ASB3: variants seen among roughly 807,000 people sequenced by gnomAD.
ASB3 encodes ankyrin repeat and SOCS box protein 3.
ASB3 carries 41 observed loss-of-function variants against 54.5 expected under a neutral mutation model. The observed-to-expected ratio is 0.75, with a 90% CI of 0.59 to 0.98. ASB3 has a LOEUF of 0.98. Among genes scored for constraint, ASB3 ranks in the 50% least tolerant of loss-of-function variants. ASB3 has a pLI of 0.00. For synonymous variants in ASB3, 266 were observed against 221.2 expected (o/e 1.20, Z -1.80); for missense variants, 733 against 620.0 (o/e 1.18, Z -1.94).
rs1302520298 is a variant in ASB3, at chr2:53,697,635, T to C, written c.1238+2636A>G. Among the ~76,000 whole-genome samples, 3 of 152,116 alleles carry C rather than the reference T, an allele frequency of 2.0e-5. 1 individual carries two copies. The highest frequency in any genetic ancestry group is 2.9e-5 in the Non-Finnish European group (2 of 68,018). On this transcript the variant is annotated intron_variant, in intron 8 of 9. Coordinates refer to ENST00000263634, the MANE Select transcript of ASB3 (RefSeq NM_016115.5). ...TCAAACAAGTTATCTACTTCCAAAATTCAATGGTGGGACAGGCATAAGACA... is the reference window on the plus strand; with the variant it reads ...TCAAACAAGTTATCTACTTCCAAAACTCAATGGTGGGACAGGCATAAGACA...
chr2:53,736,060 T>C (rs1671611660), intron 3 of ASB3, among the ~76,000 whole-genome samples: 1 of 151,742 alleles, frequency 6.6e-6, no homozygotes. Context: ...AAAATAATTT[T>C]TAATCTTCAT....
chr2:53,785,433 T>TAAAA (rs66716085), intron 1 of ASB3, among the ~76,000 whole-genome samples: 1 of 147,968 alleles, frequency 6.8e-6, no homozygotes. Flanking sequence ...GAATAAATGC[T>TAAAA]AAAAAAAAAA....
intron 7 of ASB3, among the ~76,000 whole-genome samples, chr2:53,710,923 C>T (rs1670058740): frequency 6.6e-6 from 1 of 151,568 alleles, no homozygotes; most frequent in Admixed American, 6.6e-5. Flanking sequence ...GCTCGGAGTT[C>T]AAGACCAGCC....
chr2:53,707,623 G>A (rs1195504409), intron 7 of ASB3, among the ~76,000 whole-genome samples: 3 of 150,886 alleles, frequency 2.0e-5, no homozygotes, highest in Admixed American at 2.0e-4. Flanking sequence ...CTCCAGCCTG[G>A]GCGACACAGC....
At chr2:53,690,251 A>T (rs77651381) in intron 9 of ASB3, among the ~76,000 whole-genome samples, 10,098 of 151,434 alleles carry the variant, frequency 0.067, 363 homozygotes, top group Non-Finnish European at 0.076. Context: ...ATAAATAAAT[A>T]AATTAATTAA....
intron 2 of ASB3, among the ~76,000 whole-genome samples, chr2:53,759,812 T>C (rs905842562): frequency 3.3e-5 from 5 of 152,192 alleles, no homozygotes; most frequent in African/African-American, 1.2e-4. Flanking sequence ...GAAGGTCCTC[T>C]GAGTCAGAAG....
At chr2:53,759,931 A>C (rs1244196902) in intron 2 of ASB3, among the ~76,000 whole-genome samples, 1 of 152,062 alleles carries the variant, frequency 6.6e-6, no homozygotes, top group Non-Finnish European at 1.5e-5. Flanking sequence ...GAGGGCCAGG[A>C]GGTTAACTGT....
At chr2:53,766,397 G>T (rs926280748) in intron 1 of ASB3, among the ~76,000 whole-genome samples, 1 of 152,136 alleles carries the variant, frequency 6.6e-6, no homozygotes, top group African/African-American at 2.4e-5. Flanking sequence ...TTTGGATATG[G>T]AATACTTATT....
chr2:53,754,590 T>C (rs1044488636), intron 2 of ASB3, among the ~76,000 whole-genome samples: 6 of 152,224 alleles, frequency 3.9e-5, no homozygotes, highest in African/African-American at 7.2e-5. Flanking sequence ...TGAAGTTGGA[T>C]TGAGGCTGCA....
intron 3 of ASB3, among the ~76,000 whole-genome samples, chr2:53,749,221 T>C (rs1449710362): frequency 2.0e-5 from 3 of 151,902 alleles, no homozygotes; most frequent in Non-Finnish European, 2.9e-5. Context: ...CATTGGCAAT[T>C]AGGAAAATGC....
At chr2:53,767,940 G>A (rs1329737760) in intron 1 of ASB3, 1 of 1,614,128 alleles carries the variant, frequency 6.2e-7, no homozygotes, top group East Asian at 2.2e-5. Context: ...TCCCCTATCA[G>A]GACAAGCTGG....
At chr2:53,713,495 A>G (rs1399738749) in intron 7 of ASB3, among the ~76,000 whole-genome samples, 2 of 152,244 alleles carry the variant, frequency 1.3e-5, no homozygotes, top group African/African-American at 4.8e-5. Context: ...AGACAAAGTT[A>G]CTGGCCAGAC....
At chr2:53,774,787 T>C (rs1026264960) in intron 1 of ASB3, 33 of 299,930 alleles carry the variant, frequency 1.1e-4, no homozygotes, top group Non-Finnish European at 3.0e-5. Context: ...AGTGAAGGAC[T>C]CAGTTCAGTC....
intron 1 of ASB3, among the ~76,000 whole-genome samples, chr2:53,766,226 C>T (rs1208492208): frequency 6.6e-6 from 1 of 152,114 alleles, no homozygotes; most frequent in East Asian, 1.9e-4. Flanking sequence ...GAGATGAGCC[C>T]GGTTTTCCTA....
At chr2:53,762,183 G>A (rs1673182980) in intron 2 of ASB3, among the ~76,000 whole-genome samples, 1 of 152,056 alleles carries the variant, frequency 6.6e-6, no homozygotes, top group South Asian at 2.1e-4. Context: ...GTGTGTGTGT[G>A]TGTGTGTGTG....
chr2:53,729,403 A>C, intron 4 of ASB3, 55 bp downstream of exon 4: 4 of 1,580,624 alleles, frequency 2.5e-6, no homozygotes, highest in Non-Finnish European at 3.5e-6. Context: ...CTGTCATTTT[A>C]AGAGGGTAAA....
chr2:53,740,618 G>A (rs943231463), intron 3 of ASB3, among the ~76,000 whole-genome samples: 10 of 152,216 alleles, frequency 6.6e-5, no homozygotes, highest in African/African-American at 2.4e-4. Context: ...TCTGCCCAGT[G>A]GCTAACAATC....
At chr2:53,716,134 G>C (rs1023313635) in intron 6 of ASB3, among the ~76,000 whole-genome samples, 2 of 152,126 alleles carry the variant, frequency 1.3e-5, no homozygotes, top group African/African-American at 4.8e-5. Context: ...TCAGTCAAAG[G>C]GTTTAAGACA....
intron 9 of ASB3, among the ~76,000 whole-genome samples, chr2:53,677,466 C>T (rs954444393): frequency 6.6e-6 from 1 of 151,982 alleles, no homozygotes; most frequent in East Asian, 1.9e-4. Context: ...CAACTTAGTA[C>T]ACCAAACTTT....
Sources: allele counts gnomAD v4.1 joint callset (sites outside exome capture counted in the v4.1 genomes callset), GRCh38; gene constraint gnomAD v4.1.1; transcripts MANE v1.5; gene names NCBI Gene and HGNC (gene_info 2026-07-23, HGNC 2026-07-21).